The following TRAPPC8 variants were observed in gnomAD, a reference collection of about 807,000 sequenced individuals.
The protein encoded by TRAPPC8 is trafficking protein particle complex subunit 8, also known as general sporulation gene 1 homolog.
In TRAPPC8, 54 loss-of-function variants were observed where a neutral mutation model predicts 174.3. The observed-to-expected ratio is 0.31, with a 90% CI of 0.25 to 0.39. The LOEUF (loss-of-function observed/expected upper bound fraction) is 0.39. Among genes scored for constraint, TRAPPC8 ranks in the 10% least tolerant of loss-of-function variants. The pLI, the probability that TRAPPC8 is intolerant of heterozygous loss-of-function variation, is 1.00. For missense variants in TRAPPC8, 1,531 were observed against 1,699.1 expected, an observed-to-expected ratio of 0.90 and a Z score of 1.74; for synonymous variants, 630 against 579.9, an observed-to-expected ratio of 1.09 and a Z score of -1.24.
chr18:31,901,116 T>C (rs941369276), intron 9 of TRAPPC8, 91 bp from the exon 10 acceptor site: 1 of 920,554 alleles, frequency 1.1e-6, no homozygotes, highest in East Asian at 3.3e-5. Context: ...AAATTTGCTG[T>C]TTTTTTTTTA....
intron 1 of TRAPPC8, among the ~76,000 whole-genome samples, chr18:31,933,377 C>A (rs72932147): frequency 2.0e-5 from 3 of 151,710 alleles, no homozygotes; most frequent in Non-Finnish European, 2.9e-5. Context: ...TGATTTAAAT[C>A]CCAACCCATT....
At chr18:31,893,741 T>A (rs1156353427) in intron 11 of TRAPPC8, among the ~76,000 whole-genome samples, 2 of 152,178 alleles carry the variant, frequency 1.3e-5, no homozygotes, top group African/African-American at 4.8e-5. Context: ...ATTTCAGAAT[T>A]TCACTTAGGC....
intron 16 of TRAPPC8, 120 bp from the exon 17 acceptor site, chr18:31,867,596 T>TA: frequency 1.5e-6 from 1 of 666,560 alleles, no homozygotes; most frequent in Non-Finnish European, 2.5e-6. Flanking sequence ...TACTTGGTTT[T>TA]TACCACATGC....
intron 26 of TRAPPC8, among the ~76,000 whole-genome samples, chr18:31,845,968 TCAGCAGCTGCTACACAACTCCA>T (rs1426026751): frequency 1.3e-5 from 2 of 152,194 alleles, no homozygotes; most frequent in African/African-American, 4.8e-5. Context: ...CTCAATGCTA[TCAGCAGCTGCTACACAACTCCA>T]GAGGCCACCT....
In TRAPPC8 at chr18:31,830,151, A is replaced by G. The variant is rs1300531550; in HGVS notation, c.*604T>C. 6.6e-6 allele frequency: 1 copy of G among 152,630 alleles called. No individual in the cohort carries two copies. The highest frequency in any genetic ancestry group is 2.4e-5 in the African/African-American group (1 of 41,462). 9.5% of individuals were successfully genotyped at this position (152,630 alleles called of 1,614,324 possible). A position where few individuals can be genotyped will look rare whatever the true frequency, so the allele number is the denominator to read the frequency against. ...CTATACTGAGATGAATGAGGGGAAA[A>G]AAGTCAAAACTCCTTTCAAAACTAT... On this transcript the variant is annotated 3_prime_UTR_variant, in exon 29 of 29. Coordinates refer to ENST00000283351, the MANE Select transcript of TRAPPC8 (RefSeq NM_014939.5).
At chr18:31,841,545 A>C (rs543851866) in intron 26 of TRAPPC8, among the ~76,000 whole-genome samples, 134 of 152,324 alleles carry the variant, frequency 8.8e-4, no homozygotes, top group Non-Finnish European at 1.5e-3. Context: ...TTAAAAAAAA[A>C]CTGAAGATCT....
rs187380350 is a variant in TRAPPC8, at chr18:31,940,779, G to A, written c.157+1829C>T. Among the ~76,000 whole-genome samples, 205 of 152,178 alleles carry A rather than the reference G, an allele frequency of 1.3e-3. 1 individual carries two copies. The highest frequency in any genetic ancestry group is 4.6e-3 in the African/African-American group (192 of 41,544). On this transcript the variant is annotated intron_variant, in intron 1 of 28. Transcript: ENST00000283351. ...CCCAAAGAGCTGGGATTACAAGCGT[G>A]AGCCACCGCGCCCGGCCGAAAATTT... is the stretch of plus-strand genomic sequence containing the variant.
intron 20 of TRAPPC8, among the ~76,000 whole-genome samples, chr18:31,857,079 A>C (rs1308204145): frequency 2.0e-5 from 3 of 152,148 alleles, no homozygotes; most frequent in Admixed American, 6.6e-5. Flanking sequence ...ACACCATTAT[A>C]ATCTTCTCTT....
chr18:31,911,462 AAAAT>A (rs2036900347), intron 5 of TRAPPC8, among the ~76,000 whole-genome samples: 1 of 151,096 alleles, frequency 6.6e-6, no homozygotes, highest in Admixed American at 6.6e-5. Flanking sequence ...AAAAAAAAAA[AAAAT>A]TTCTGGCCGG....
chr18:31,853,978 T>A (rs1195805627), intron 21 of TRAPPC8, 33 bp from the exon 22 acceptor site: 1 of 1,518,948 alleles, frequency 6.6e-7, no homozygotes, highest in Admixed American at 1.8e-5. Context: ...TCATTCAGGA[T>A]TTAGAAGCAC....
At chr18:31,904,616 G>A (rs530969748) in intron 9 of TRAPPC8, among the ~76,000 whole-genome samples, 26 of 152,242 alleles carry the variant, frequency 1.7e-4, no homozygotes, top group African/African-American at 5.1e-4. Context: ...CAATATGAAC[G>A]ATATCTATTT....
intron 26 of TRAPPC8, among the ~76,000 whole-genome samples, chr18:31,846,317 T>C (rs1417533617): frequency 6.6e-6 from 1 of 152,208 alleles, no homozygotes; most frequent in African/African-American, 2.4e-5. Context: ...CTCACGCCTA[T>C]AATCTCAGCA....
intron 24 of TRAPPC8, among the ~76,000 whole-genome samples, chr18:31,850,936 G>C (rs2145049901): frequency 6.6e-6 from 1 of 152,180 alleles, no homozygotes; most frequent in East Asian, 1.9e-4. Context: ...CTAAAGTCCT[G>C]AAAACTAAAT....
chr18:31,864,489 T>C, intron 19 of TRAPPC8, 138 bp downstream of exon 19: 1 of 755,858 alleles, frequency 1.3e-6, no homozygotes, highest in Non-Finnish European at 2.0e-6. Flanking sequence ...GAATTAAATA[T>C]ATTTAACACT....
At chr18:31,925,124 C>T (rs2037556997) in intron 2 of TRAPPC8, among the ~76,000 whole-genome samples, 1 of 151,970 alleles carries the variant, frequency 6.6e-6, no homozygotes, top group African/African-American at 2.4e-5. Context: ...CTTTCTTATA[C>T]TCAGTCAGGG....
At chr18:31,906,558 CTT>C in intron 9 of TRAPPC8, among the ~76,000 whole-genome samples, 1 of 152,202 alleles carries the variant, frequency 6.6e-6, no homozygotes, top group East Asian at 1.9e-4. Context: ...TTTTTCTTCA[CTT>C]TTGTTTATAA....
At chr18:31,923,956 G>A (rs1269891499) in intron 2 of TRAPPC8, among the ~76,000 whole-genome samples, 1 of 151,998 alleles carries the variant, frequency 6.6e-6, no homozygotes, top group African/African-American at 2.4e-5. Flanking sequence ...AGACAAGCCT[G>A]GCCAACATGG....
chr18:31,926,943 TA>T (rs1488812101), intron 2 of TRAPPC8, among the ~76,000 whole-genome samples: 2 of 152,200 alleles, frequency 1.3e-5, no homozygotes, highest in Admixed American at 1.3e-4. Context: ...TATTTAAATT[TA>T]AAACTTATTA....
intron 1 of TRAPPC8, among the ~76,000 whole-genome samples, chr18:31,935,548 T>TGAAGAAAAAAAAAAAAAAAAAA (rs745488703): frequency 2.2e-5 from 1 of 46,286 alleles, no homozygotes. Flanking sequence ...AACTCCATCT[T>TGAAGAAAAAAAAAAAAAAAAAA]AAAAAAAAAA....
Sources: allele counts gnomAD v4.1 joint callset (sites outside exome capture counted in the v4.1 genomes callset), GRCh38; gene constraint gnomAD v4.1.1; transcripts MANE v1.5; gene names NCBI Gene and HGNC (gene_info 2026-07-23, HGNC 2026-07-21).